Variants in BBOX1 observed in about 807,000 individuals in gnomAD.
BBOX1 encodes gamma-butyrobetaine hydroxylase 1, also known as gamma-butyrobetaine dioxygenase.
A neutral mutation model predicts 41.6 loss-of-function variants in BBOX1; 35 were observed. That is an observed-to-expected ratio of 0.84 (90% confidence interval 0.64 to 1.11). The LOEUF is 1.11. Among genes scored for constraint, BBOX1 ranks in the 50% most tolerant of loss-of-function variants. The pLI, the probability that BBOX1 is intolerant of heterozygous loss-of-function variation, is 0.00. For missense variants in BBOX1, 458 were observed against 460.6 expected (o/e 0.99, Z 0.05); for synonymous variants, 163 against 154.7 (o/e 1.05, Z -0.40).
chr11:27,112,205 T>C (rs1487622848), intron 5 of BBOX1, among the ~76,000 whole-genome samples: 2 of 151,966 alleles, frequency 1.3e-5, no homozygotes, highest in African/African-American at 4.8e-5. Context: ...ACTTGAAGAT[T>C]AATAGACTTA....
intron 4 of BBOX1, among the ~76,000 whole-genome samples, chr11:27,063,392 GA>G (rs1047410011): frequency 2.7e-5 from 4 of 149,414 alleles, no homozygotes; most frequent in African/African-American, 4.9e-5. Context: ...GACCAAAATG[GA>G]AAAAAAAATC....
chr11:27,118,047 G>A (rs754145199), intron 6 of BBOX1, among the ~76,000 whole-genome samples: 6 of 151,760 alleles, frequency 4.0e-5, no homozygotes, highest in Non-Finnish European at 8.8e-5. Flanking sequence ...AGATTTTATC[G>A]TACTTTACAA....
chr11:27,073,602 T>C (rs536860504), intron 4 of BBOX1, among the ~76,000 whole-genome samples: 9,306 of 148,664 alleles, frequency 0.063, 1,055 homozygotes, highest in African/African-American at 0.22. Context: ...GCTATAAAGA[T>C]AAATGCACAC....
chr11:27,042,794 G>A (rs146776002), intron 2 of BBOX1, among the ~76,000 whole-genome samples: 2 of 152,178 alleles, frequency 1.3e-5, no homozygotes, highest in East Asian at 1.9e-4. Context: ...TTAGGTAGCA[G>A]GTGTCTTGAG....
chr11:27,122,972 G>C (rs1285241967), intron 7 of BBOX1, among the ~76,000 whole-genome samples: 1 of 152,054 alleles, frequency 6.6e-6, no homozygotes, highest in Non-Finnish European at 1.5e-5. Flanking sequence ...AGACCCTGCT[G>C]TTCTGTTATA....
intron 3 of BBOX1, among the ~76,000 whole-genome samples, chr11:27,056,386 T>C (rs1856981093): frequency 6.6e-6 from 1 of 152,042 alleles, no homozygotes; most frequent in African/African-American, 2.4e-5. Context: ...GCCTCCCAAG[T>C]AGCTGGAATT....
Position 27,119,028 on chromosome 11 carries a change from C to A in BBOX1, c.640-621C>A, listed in dbSNP as rs1590227483. Among the ~76,000 whole-genome samples the A allele has an allele frequency of 5.3e-5, 8 of 151,348 alleles. No individual in the cohort carries two copies. The Admixed American group carries it at 5.4e-4, about 10-fold the overall frequency. Reference sequence around the variant, plus strand: ...ATATTCAAAAGCCTTCAGTGAATTCCCTCTATGCACAAATACAAAAGCCCT... The same window carrying A: ...ATATTCAAAAGCCTTCAGTGAATTCACTCTATGCACAAATACAAAAGCCCT... On this transcript the variant is annotated intron_variant, in intron 6 of 8. Transcript: ENST00000263182.
intron 6 of BBOX1, among the ~76,000 whole-genome samples, chr11:27,116,925 T>C (rs556818361): frequency 1.4e-4 from 22 of 152,098 alleles, no homozygotes; most frequent in African/African-American, 5.3e-4. Flanking sequence ...CCATCCAACA[T>C]CCCATCTATC....
intron 5 of BBOX1, among the ~76,000 whole-genome samples, chr11:27,110,202 T>C (rs1021352432): frequency 2.0e-5 from 3 of 151,946 alleles, no homozygotes; most frequent in Admixed American, 6.6e-5. Context: ...ATGATTCTCA[T>C]GTTTAGGAGA....
At chr11:27,125,216 TA>T (rs1411029357) in intron 7 of BBOX1, among the ~76,000 whole-genome samples, 2 of 152,182 alleles carry the variant, frequency 1.3e-5, no homozygotes, top group African/African-American at 4.8e-5. Flanking sequence ...TCAAACTATT[TA>T]AAAAATAGAA....
intron 2 of BBOX1, among the ~76,000 whole-genome samples, chr11:27,042,264 T>A (rs1851365484): frequency 6.6e-6 from 1 of 152,174 alleles, no homozygotes; most frequent in African/African-American, 2.4e-5. Context: ...ACAAATGAAG[T>A]GTTTGCATGA....
intron 5 of BBOX1, among the ~76,000 whole-genome samples, chr11:27,109,237 T>C (rs1231012689): frequency 6.6e-6 from 1 of 152,024 alleles, no homozygotes. Context: ...GGAGTAAATA[T>C]TGGGTAATCA....
intron 4 of BBOX1, among the ~76,000 whole-genome samples, chr11:27,087,418 A>T (rs1858084109): frequency 6.6e-6 from 1 of 152,120 alleles, no homozygotes; most frequent in Admixed American, 6.6e-5. Flanking sequence ...GAAGACTAAG[A>T]TGATCATTAG....
intron 4 of BBOX1, among the ~76,000 whole-genome samples, chr11:27,073,643 C>A (rs1857534886): frequency 6.6e-6 from 1 of 151,970 alleles, no homozygotes. Context: ...TTCACAATAG[C>A]AAATACTTGG....
chr11:27,105,197 A>C (rs1215393003), intron 5 of BBOX1, among the ~76,000 whole-genome samples: 2 of 152,202 alleles, frequency 1.3e-5, no homozygotes, highest in Non-Finnish European at 2.9e-5. Context: ...TTCCCCTCCA[A>C]AGGAACACAG....
chr11:27,076,903 G>T lies in BBOX1; in HGVS notation c.335-16265G>T, dbSNP rs1199170277. ...AGCTCCCATTCACTTGGCAAGGCAG[G>T]TCTCAGACTTGCAGTGCTCTCCACT... On this transcript the variant is annotated intron_variant, in intron 4 of 8. Coordinates refer to ENST00000263182, the MANE Select transcript of BBOX1 (RefSeq NM_003986.3). Among the ~76,000 whole-genome samples, 4 of 152,232 alleles carry T rather than the reference G, an allele frequency of 2.6e-5. No individual in the cohort carries two copies. The East Asian group carries it at 7.7e-4, about 29-fold the overall frequency.
intron 4 of BBOX1, among the ~76,000 whole-genome samples, chr11:27,061,714 CT>C (rs1170576334): frequency 6.6e-6 from 1 of 152,164 alleles, no homozygotes; most frequent in Admixed American, 6.5e-5. Context: ...GATCTTCCCC[CT>C]GGCACTCGCT....
intron 4 of BBOX1, among the ~76,000 whole-genome samples, chr11:27,060,111 T>A (rs1057217112): frequency 1.3e-5 from 2 of 152,158 alleles, no homozygotes; most frequent in African/African-American, 4.8e-5. Context: ...CATGTTGAAC[T>A]GTAATCTCCA....
intron 4 of BBOX1, 132 bp downstream of exon 4, chr11:27,057,447 A>G (rs1331264983): frequency 1.4e-6 from 1 of 705,344 alleles, no homozygotes; most frequent in Admixed American, 3.2e-5. Context: ...TATGTGGTGT[A>G]TTTAAAGTTT....
Sources: allele counts gnomAD v4.1 joint callset (sites outside exome capture counted in the v4.1 genomes callset), GRCh38; gene constraint gnomAD v4.1.1; transcripts MANE v1.5; gene names NCBI Gene and HGNC (gene_info 2026-07-23, HGNC 2026-07-21).